The following DPP6 variants were observed in gnomAD, a reference collection of about 807,000 sequenced individuals.
DPP6 encodes the protein A-type potassium channel modulatory protein DPP6.
In DPP6, 69 loss-of-function variants were observed where a neutral mutation model predicts 122.6. The ratio of observed to expected loss-of-function variants is 0.56; its 90% confidence interval spans 0.46 to 0.69. The LOEUF (loss-of-function observed/expected upper bound fraction) is 0.69. Among genes scored for constraint, DPP6 ranks in the 30% least tolerant of loss-of-function variants. The pLI, the probability that DPP6 is intolerant of heterozygous loss-of-function variation, is 0.00. For missense variants in DPP6, 928 were observed against 1,116.9 expected, an observed-to-expected ratio of 0.83 and a Z score of 2.41; for synonymous variants, 418 against 433.1, an observed-to-expected ratio of 0.97 and a Z score of 0.43.
intron 1 of DPP6, among the ~76,000 whole-genome samples, chr7:154,220,705 C>T (rs1800255162): frequency 6.6e-6 from 1 of 152,136 alleles, no homozygotes; most frequent in African/African-American, 2.4e-5. Flanking sequence ...TGAAAAAATA[C>T]ATTCCTGTTT....
At chr7:154,480,634 T>C (rs1823183770) in intron 3 of DPP6, among the ~76,000 whole-genome samples, 1 of 152,166 alleles carries the variant, frequency 6.6e-6, no homozygotes, top group Admixed American at 6.5e-5. Context: ...CGCCCTCCCT[T>C]GGTGTCTCCC....
At chr7:154,669,018 A>C (rs533859024) in intron 6 of DPP6, among the ~76,000 whole-genome samples, 1 of 152,332 alleles carries the variant, frequency 6.6e-6, no homozygotes, top group African/African-American at 2.4e-5. Flanking sequence ...GTGGAGGTAG[A>C]TCACTGCATG....
intron 16 of DPP6, among the ~76,000 whole-genome samples, chr7:154,832,160 T>C (rs143451299): frequency 6.6e-6 from 1 of 152,206 alleles, no homozygotes; most frequent in Non-Finnish European, 1.5e-5. Context: ...GCTCAGTTCC[T>C]GAGTGGCTGC....
intron 3 of DPP6, among the ~76,000 whole-genome samples, chr7:154,520,789 T>A (rs1031059522): frequency 6.6e-6 from 1 of 152,216 alleles, no homozygotes; most frequent in Non-Finnish European, 1.5e-5. Context: ...TAGTAAGACC[T>A]CCTCACATTT....
At chr7:154,164,891 C>G (rs1263647607) in intron 1 of DPP6, among the ~76,000 whole-genome samples, 8 of 152,212 alleles carry the variant, frequency 5.3e-5, no homozygotes, top group Non-Finnish European at 1.2e-4. Flanking sequence ...CTGGTTTTCA[C>G]TATTCAGCTG....
At chr7:153,935,015 G>A (rs1372033486) in intron 1 of DPP6, among the ~76,000 whole-genome samples, 2 of 152,194 alleles carry the variant, frequency 1.3e-5, no homozygotes, top group African/African-American at 2.4e-5. Context: ...GGAGGTGCAG[G>A]GACAGAAGGC....
chr7:154,492,008 A>G (rs886455491), intron 3 of DPP6, among the ~76,000 whole-genome samples: 1 of 152,190 alleles, frequency 6.6e-6, no homozygotes, highest in Non-Finnish European at 1.5e-5. Context: ...TGCATCCAAC[A>G]ATGTAAACAG....
chr7:154,399,814 A>G (rs1241543612), intron 1 of DPP6, among the ~76,000 whole-genome samples: 1 of 152,216 alleles, frequency 6.6e-6, no homozygotes, highest in African/African-American at 2.4e-5. Flanking sequence ...TGGCTAAGAA[A>G]GGATATCATT....
intron 1 of DPP6, among the ~76,000 whole-genome samples, chr7:154,032,027 A>AT (rs59221022): frequency 0.014 from 1,817 of 127,144 alleles, 24 homozygotes; most frequent in African/African-American, 0.036. Context: ...ACACCCGCCT[A>AT]TTTTTTTTTT....
the DPP6 span, among the ~76,000 whole-genome samples, chr7:153,846,434 T>A: frequency 6.6e-6 from 1 of 151,192 alleles, no homozygotes; most frequent in Admixed American, 6.6e-5. Flanking sequence ...CTTAATGGTG[T>A]TTTTGATGGA....
chr7:154,002,817 G>C (rs562097348), intron 1 of DPP6, among the ~76,000 whole-genome samples: 10 of 152,266 alleles, frequency 6.6e-5, no homozygotes, highest in African/African-American at 2.4e-4. Flanking sequence ...AGAGGACAGA[G>C]CATATGAGGG....
chr7:154,060,974 C>G lies in DPP6; in HGVS notation c.243+7911C>G, dbSNP rs377689486. On this transcript the variant is annotated intron_variant, in intron 1 of 25. Transcript: ENST00000377770. ...CGTTGATGTTAAGATCCTTAGGACC[C>G]ACCTGGAGGACTGTGGGTATTAGGT... Among the ~76,000 whole-genome samples, 19 of 148,932 alleles carry G rather than the reference C, an allele frequency of 1.3e-4. No homozygotes were observed. In the East Asian group the frequency reaches 3.5e-3, roughly 27 times the overall value.
rs561437580 is a variant in DPP6, at chr7:154,769,508, C to G, written c.975C>G (p.Ile325Met). ...YAAINDSRVP[I>M]MELPTYTGSI... ...CCATCAATGATTCCCGTGTCCCCATCATGGAGCTCCCAACTTACACCGGCT... is the reference window on the plus strand; with the variant it reads ...CCATCAATGATTCCCGTGTCCCCATGATGGAGCTCCCAACTTACACCGGCT... The change falls in exon 9 of 26, where the codon ATC (isoleucine) becomes ATG (methionine). Residue 325 changes from isoleucine (I) to methionine (M), a missense_variant. Coordinates refer to ENST00000377770, the MANE Select transcript of DPP6 (RefSeq NM_130797.4). The G allele has an allele frequency of 3.8e-5, 62 of 1,613,686 alleles. No homozygotes were observed. The highest frequency in any genetic ancestry group is 3.7e-4 in the South Asian group (34 of 91,030).
At chr7:154,732,191 C>T (rs927948923) in intron 8 of DPP6, among the ~76,000 whole-genome samples, 5 of 136,936 alleles carry the variant, frequency 3.7e-5, no homozygotes, top group Non-Finnish European at 6.2e-5. Context: ...AGGCGCCTGC[C>T]ACCATGCCCG....
At chr7:154,496,414 A>AT (rs895652760) in intron 3 of DPP6, among the ~76,000 whole-genome samples, 13 of 152,218 alleles carry the variant, frequency 8.5e-5, no homozygotes, top group Middle Eastern at 3.4e-3. Context: ...GAGACTTAAG[A>AT]TTTTTTTTAC....
intron 8 of DPP6, among the ~76,000 whole-genome samples, chr7:154,729,746 A>G (rs1436320272): frequency 2.6e-5 from 4 of 152,148 alleles, no homozygotes; most frequent in African/African-American, 9.7e-5. Context: ...TGGAAGCCCC[A>G]TGTTTATTCC....
At chr7:154,214,204 A>C (rs1050011500) in intron 1 of DPP6, among the ~76,000 whole-genome samples, 3 of 152,226 alleles carry the variant, frequency 2.0e-5, no homozygotes, top group Admixed American at 6.5e-5. Flanking sequence ...AATGATGGGG[A>C]TTTCAAGACC....
At chr7:153,773,214 T>A in the DPP6 span, among the ~76,000 whole-genome samples, 2 of 148,220 alleles carry the variant, frequency 1.3e-5, no homozygotes, top group African/African-American at 4.9e-5. Flanking sequence ...AAAATTTTTT[T>A]AAAAAAGACA....
At chr7:153,900,406 G>A (rs116944092) in intron 1 of DPP6, among the ~76,000 whole-genome samples, 1,549 of 152,132 alleles carry the variant, frequency 0.01, 9 homozygotes, top group Non-Finnish European at 0.015. Flanking sequence ...TTTTGCTCAC[G>A]GTTCTGCAAG....
Sources: allele counts gnomAD v4.1 joint callset (sites outside exome capture counted in the v4.1 genomes callset), GRCh38; gene constraint gnomAD v4.1.1; transcripts MANE v1.5; gene names NCBI Gene and HGNC (gene_info 2026-07-23, HGNC 2026-07-21).